Variants in KYAT3 observed in about 807,000 individuals in gnomAD.
KYAT3 encodes the protein kynurenine aminotransferase 3, also known as kynurenine--oxoglutarate transaminase 3.
In KYAT3, 50 loss-of-function variants were observed where a neutral mutation model predicts 59.0. That is an observed-to-expected ratio of 0.85 (90% CI 0.68 to 1.07). The LOEUF is 1.07. KYAT3 is among the 50% of genes least tolerant of loss of function. The pLI is 0.00. For synonymous variants in KYAT3, 148 were observed against 177.0 expected, an observed-to-expected ratio of 0.84 and a Z score of 1.30; for missense variants, 497 against 533.3, an observed-to-expected ratio of 0.93 and a Z score of 0.67.
chr1:88,955,732 C>T lies in KYAT3; in HGVS notation c.788-507G>A, dbSNP rs139889620. On this transcript the variant is annotated intron_variant, in intron 8 of 13. Transcript: ENST00000260508. ...GATCTCACACTAGCAATATCAGCAT[C>T]ACTGGGCAACTTGTAAGAAAGGCAA... Among the ~76,000 whole-genome samples the T allele has an allele frequency of 3.4e-3, 517 of 152,314 alleles. 2 individuals are homozygous for T. The highest frequency in any genetic ancestry group is 0.012 in the African/African-American group (502 of 41,560).
chr1:88,951,478 G>C (rs562610679), intron 10 of KYAT3, among the ~76,000 whole-genome samples: 1 of 151,860 alleles, frequency 6.6e-6, no homozygotes, highest in Non-Finnish European at 1.5e-5. Context: ...CAGGTGATCC[G>C]CTCACCTTGG....
At chr1:88,929,337 C>T in the KYAT3 span, among the ~76,000 whole-genome samples, 2 of 152,122 alleles carry the variant, frequency 1.3e-5, no homozygotes, top group Admixed American at 6.6e-5. Flanking sequence ...CTGTACCTAA[C>T]CCTTATACTC....
chr1:88,971,949 T>C (rs1570814816), intron 2 of KYAT3, among the ~76,000 whole-genome samples: 1 of 152,350 alleles, frequency 6.6e-6, no homozygotes, highest in East Asian at 1.9e-4. Flanking sequence ...TACCATAGGC[T>C]AATTGAGATA....
rs765891244 is a variant in KYAT3 at position 88,983,168 on chromosome 1, T to C, written c.99+5084A>G. The C allele has an allele frequency of 6.2e-6, 10 of 1,612,586 alleles. No homozygotes were observed. In the South Asian group the frequency reaches 9.9e-5, roughly 16 times the overall value. ...AGAACTTGGGTAATCTCTGCTTGAATAGCTGTCTTTAGTAGAATACCCATC... is the reference window on the plus strand; with the variant it reads ...AGAACTTGGGTAATCTCTGCTTGAACAGCTGTCTTTAGTAGAATACCCATC... On this transcript the variant is annotated intron_variant, in intron 2 of 13. Transcript: ENST00000260508.
intron 2 of KYAT3, 83 bp downstream of exon 2, chr1:88,988,169 T>TA (rs1677579922): frequency 3.5e-6 from 3 of 847,188 alleles, no homozygotes; most frequent in Non-Finnish European, 5.7e-6. Context: ...AAAGTATTTG[T>TA]AAAAAAGCAT....
chr1:88,928,204 T>C, the KYAT3 span, among the ~76,000 whole-genome samples: 1 of 152,028 alleles, frequency 6.6e-6, no homozygotes, highest in Non-Finnish European at 1.5e-5. Flanking sequence ...CCCTGTCACC[T>C]GACTCTATTG....
chr1:88,979,076 A>G (rs1676944409), intron 2 of KYAT3, among the ~76,000 whole-genome samples: 1 of 152,160 alleles, frequency 6.6e-6, no homozygotes, highest in Non-Finnish European at 1.5e-5. Context: ...TAGTTATGTG[A>G]GAGAAACTCA....
intron 1 of KYAT3, among the ~76,000 whole-genome samples, chr1:88,990,952 A>G (rs1452205948): frequency 1.3e-5 from 2 of 152,202 alleles, no homozygotes; most frequent in Non-Finnish European, 2.9e-5. Flanking sequence ...TCTAAACAAT[A>G]TTTTCATTGT....
chr1:88,931,347 A>C (rs558112835), downstream of KYAT3, among the ~76,000 whole-genome samples: 2 of 152,188 alleles, frequency 1.3e-5, no homozygotes, highest in Admixed American at 1.3e-4. Context: ...ACTACAAATC[A>C]TTCTTCAAAT....
At chr1:88,962,750 C>T (rs1441975979) in intron 5 of KYAT3, among the ~76,000 whole-genome samples, 2 of 152,194 alleles carry the variant, frequency 1.3e-5, no homozygotes, top group Non-Finnish European at 2.9e-5. Flanking sequence ...CTGCCTCAGC[C>T]TCCCAAAGTG....
the KYAT3 span, among the ~76,000 whole-genome samples, chr1:88,926,497 G>A: frequency 6.6e-6 from 1 of 152,112 alleles, no homozygotes; most frequent in African/African-American, 2.4e-5. Flanking sequence ...TTTACTTTTT[G>A]TATAGACAGG....
At chr1:88,940,438 T>C (rs10922521) in intron 13 of KYAT3, among the ~76,000 whole-genome samples, 5,798 of 152,282 alleles carry the variant, frequency 0.038, 320 homozygotes, top group African/African-American at 0.12. Context: ...GCATGCACTA[T>C]ACCTATTGTT....
chr1:88,979,100 T>C (rs1676945422), intron 2 of KYAT3, among the ~76,000 whole-genome samples: 1 of 152,198 alleles, frequency 6.6e-6, no homozygotes, highest in South Asian at 2.1e-4. Context: ...TGAAACAGTT[T>C]AGATGAAAAG....
intron 8 of KYAT3, among the ~76,000 whole-genome samples, chr1:88,956,261 C>T (rs1318852237): frequency 2.0e-5 from 3 of 151,982 alleles, no homozygotes; most frequent in East Asian, 1.9e-4. Flanking sequence ...TGTTTGACCT[C>T]GACTGGGAAT....
At position 88,979,588 on chromosome 1, in the gene KYAT3, C is replaced by T. The variant is rs183510506; in HGVS notation, c.99+8664G>A. On this transcript the variant is annotated intron_variant, in intron 2 of 13. Transcript: ENST00000260508. ...AAATATACAACTGGCCAAAAAGTAC[C>T]TTAAAAGATGCTTACCAGCATTAGT... 108 of 152,186 alleles carry T rather than the reference C, an allele frequency of 7.1e-4. 3 individuals are homozygous for T. The East Asian group carries it at 0.017, about 24-fold the overall frequency. The allele number at this position is 152,186 out of a possible 1,614,324, so 9.4% of individuals were successfully genotyped here.
chr1:88,973,923 T>C (rs775346549), intron 2 of KYAT3, among the ~76,000 whole-genome samples: 1 of 152,182 alleles, frequency 6.6e-6, no homozygotes, highest in African/African-American at 2.4e-5. Flanking sequence ...AAAGTCTTCC[T>C]AAATGATGGG....
In KYAT3 at chr1:88,936,195, T is replaced by C; in HGVS notation, c.1353A>G (p.Val451=). Residue 451 remains valine, a synonymous_variant, in exon 14 of 14, where the codon GTA becomes GTG. Coordinates refer to ENST00000260508, the MANE Select transcript of KYAT3 (RefSeq NM_001008661.3). ...CATTCTGCACAAATCAAGACTTCTG[T>C]ACACTCCATGCCTTGATGATTTCTT... ...AAEEIIKAWS[V]QKS 6.2e-7 allele frequency: 1 copy of C among 1,610,172 alleles called. No individual in the cohort carries two copies. The highest frequency in any genetic ancestry group is 2.2e-5 in the East Asian group (1 of 44,800).
At chr1:88,934,411 G>A (rs564723687), downstream of KYAT3, among the ~76,000 whole-genome samples, 1 of 152,200 alleles carries the variant, frequency 6.6e-6, no homozygotes, top group East Asian at 1.9e-4. Context: ...CTGAGATTAC[G>A]GCACTGCCTC....
At chr1:88,972,027 T>C (rs1434625174) in intron 2 of KYAT3, among the ~76,000 whole-genome samples, 2 of 152,254 alleles carry the variant, frequency 1.3e-5, no homozygotes, top group African/African-American at 4.8e-5. Context: ...AAATAAAGAA[T>C]GAAACACTTC....
Sources: allele counts gnomAD v4.1 joint callset (sites outside exome capture counted in the v4.1 genomes callset), GRCh38; gene constraint gnomAD v4.1.1; transcripts MANE v1.5; gene names NCBI Gene and HGNC (gene_info 2026-07-23, HGNC 2026-07-21).